The following NSL1 variants were observed in gnomAD, a reference collection of about 807,000 sequenced individuals.
NSL1 encodes the protein NSL1 component of MIS12 kinetochore complex.
In NSL1, 11 loss-of-function variants were observed where a neutral mutation model predicts 25.4. The observed-to-expected ratio is 0.43, with a 90% confidence interval of 0.27 to 0.72. The LOEUF (loss-of-function observed/expected upper bound fraction) is 0.72, where lower values mean the gene tolerates loss of function less well. NSL1 is among the 30% of genes least tolerant of loss of function. The pLI is 0.19. For synonymous variants in NSL1, 118 were observed against 120.6 expected (o/e 0.98, Z 0.14); for missense variants, 330 against 342.7 (o/e 0.96, Z 0.29).
chr1:212,781,741 TAGAA>T (rs1352666346), intron 4 of NSL1, among the ~76,000 whole-genome samples: 4 of 152,224 alleles, frequency 2.6e-5, no homozygotes, highest in Non-Finnish European at 5.9e-5. Context: ...AAAGGACTCT[TAGAA>T]AAACTGTTAT....
intron 4 of NSL1, among the ~76,000 whole-genome samples, chr1:212,741,065 A>AT (rs919488145): frequency 3.3e-5 from 5 of 152,106 alleles, no homozygotes; most frequent in Non-Finnish European, 5.9e-5. Flanking sequence ...ATAAAAATGT[A>AT]TTTTTTTTCC....
Position 212,732,704 on chromosome 1 carries a change from A to G in NSL1, c.*5704T>C, listed in dbSNP as rs1658073955. On this transcript the variant is annotated 3_prime_UTR_variant, in exon 6 of 6. Transcript: ENST00000366977. Reference sequence around the variant, plus strand: ...TGGGAGCCTTAGTTTCCCAGATCCCATGGCTGCTGCTTTTTTGGTTTACCC... The same window carrying G: ...TGGGAGCCTTAGTTTCCCAGATCCCGTGGCTGCTGCTTTTTTGGTTTACCC... 2 of 968,254 alleles carry G rather than the reference A, an allele frequency of 2.1e-6. No individual in the cohort carries two copies. The highest frequency in any genetic ancestry group is 6.2e-5 in the Admixed American group (1 of 16,232). 60.0% of individuals were successfully genotyped at this position (968,254 alleles called of 1,614,324 possible). A position where few individuals can be genotyped will look rare whatever the true frequency, so the allele number is the denominator to read the frequency against.
At chr1:212,749,349 T>TTG (rs1320540998) in intron 4 of NSL1, among the ~76,000 whole-genome samples, 3 of 144,298 alleles carry the variant, frequency 2.1e-5, no homozygotes, top group African/African-American at 7.7e-5. Context: ...GTTTTTTTTT[T>TTG]TTTTTTTTTT....
chr1:212,729,737 T>G lies in NSL1; in HGVS notation c.*8671A>C. On this transcript the variant is annotated 3_prime_UTR_variant, in exon 6 of 6. Transcript: ENST00000366977. The stretch of plus-strand genomic sequence containing the variant: ...GGTCAAATCCTCCTCTCTTTTCCTT[T>G]TTCCTATCCGCTCTTCTGGTGGAGA... 2 of 985,402 alleles carry G rather than the reference T, an allele frequency of 2.0e-6. No individual in the cohort carries two copies. The highest frequency in any genetic ancestry group is 9.4e-5 in the South Asian group (2 of 21,286). 61.0% of individuals were successfully genotyped at this position (985,402 alleles called of 1,614,324 possible).
At chr1:212,782,503 A>C in intron 3 of NSL1, 77 bp from the exon 4 acceptor site, 1 of 1,017,322 alleles carries the variant, frequency 9.8e-7, no homozygotes, top group South Asian at 1.3e-5. Flanking sequence ...AATATGGGAG[A>C]TATACTATAG....
intron 1 of NSL1, 79 bp downstream of exon 1, chr1:212,791,449 CGT>C (rs1464574369): frequency 7.7e-7 from 1 of 1,305,742 alleles, no homozygotes; most frequent in Non-Finnish European, 1.1e-6. Flanking sequence ...CAAGGCCTGG[CGT>C]GGGATCTTTC....
intron 4 of NSL1, among the ~76,000 whole-genome samples, chr1:212,749,633 T>G (rs960565023): frequency 6.6e-6 from 1 of 152,104 alleles, no homozygotes; most frequent in African/African-American, 2.4e-5. Context: ...TATTCACTGA[T>G]TTGTGAAGCC....
At position 212,732,878 on chromosome 1, in the gene NSL1, T is replaced by A. The variant is rs1658084311; in HGVS notation, c.*5530A>T. 6.6e-6 allele frequency among the ~76,000 whole-genome samples: 1 copy of A among 152,222 alleles called. No homozygotes were observed. The highest frequency in any genetic ancestry group is 1.5e-5 in the Non-Finnish European group (1 of 68,032). On this transcript the variant is annotated 3_prime_UTR_variant, in exon 6 of 6. Transcript: ENST00000366977. ...TGTGTATAAAAGCCTAGGTTGTATATCATTTATGCTGAGAATATTTCTCCA... is the reference window on the plus strand; with the variant it reads ...TGTGTATAAAAGCCTAGGTTGTATAACATTTATGCTGAGAATATTTCTCCA...
intron 4 of NSL1, among the ~76,000 whole-genome samples, chr1:212,744,965 G>A (rs1343956722): frequency 2.0e-5 from 3 of 151,900 alleles, no homozygotes; most frequent in African/African-American, 7.3e-5. Flanking sequence ...GTGAAACCCC[G>A]TCTCTACTAA....
rs369262254 is a variant in NSL1 at position 212,735,326 on chromosome 1, G to A, written c.*3082C>T. On this transcript the variant is annotated 3_prime_UTR_variant, in exon 6 of 6. Coordinates refer to ENST00000366977, the MANE Select transcript of NSL1 (RefSeq NM_015471.4). ...TTTTGATCCGAGTAGGTGTCCAACT[G>A]TATGTGTTGAACAGATGAATAAATG... The A allele has an allele frequency of 4.7e-5, 46 of 985,364 alleles. No homozygotes were observed. In the East Asian group the frequency reaches 3.0e-3, roughly 63 times the overall value. 61.0% of individuals were successfully genotyped at this position (985,364 alleles called of 1,614,324 possible).
intron 4 of NSL1, among the ~76,000 whole-genome samples, chr1:212,752,476 G>A (rs949711492): frequency 2.0e-5 from 3 of 152,152 alleles, no homozygotes; most frequent in Non-Finnish European, 4.4e-5. Context: ...TTACCATACA[G>A]AAACTTAAAA....
intron 4 of NSL1, among the ~76,000 whole-genome samples, chr1:212,779,896 C>G (rs1471253490): frequency 6.8e-6 from 1 of 147,482 alleles, no homozygotes; most frequent in Non-Finnish European, 1.5e-5. Context: ...GTCAGCCCCC[C>G]GCCCGAACAG....
At chr1:212,739,816 C>T (rs1027370074) in intron 4 of NSL1, among the ~76,000 whole-genome samples, 7 of 152,152 alleles carry the variant, frequency 4.6e-5, no homozygotes, top group Non-Finnish European at 1.0e-4. Context: ...AATTCTATTA[C>T]GAGTAGTCAT....
At chr1:212,779,820 G>A (rs12725406) in intron 4 of NSL1, among the ~76,000 whole-genome samples, 53 of 133,718 alleles carry the variant, frequency 4.0e-4, no homozygotes, top group African/African-American at 1.5e-3. Context: ...CGCCCCGTCC[G>A]GGAGGGAGGT....
Position 212,729,944 on chromosome 1 carries a change from GA to G in NSL1, c.*8463del. On this transcript the variant is annotated 3_prime_UTR_variant, in exon 6 of 6. Coordinates refer to ENST00000366977, the MANE Select transcript of NSL1 (RefSeq NM_015471.4). ...TGTGGAGGAACTAAACCTCCGGAAG[GA>G]TTTTTTTTTTTAAGAATGAAATGGG... The G allele has an allele frequency of 1.0e-6, 1 of 983,256 alleles. No individual in the cohort carries two copies. The highest frequency in any genetic ancestry group is 1.8e-5 in the African/African-American group (1 of 56,590). The allele number at this position is 983,256 out of a possible 1,614,324, so 60.9% of individuals were successfully genotyped here.
At chr1:212,779,945 C>G (rs1244489447) in intron 4 of NSL1, among the ~76,000 whole-genome samples, 1 of 150,300 alleles carries the variant, frequency 6.7e-6, no homozygotes. Context: ...TCTGCCCGGC[C>G]GCCCCTACTG....
chr1:212,776,723 C>G (rs1013637140), intron 4 of NSL1, among the ~76,000 whole-genome samples: 1 of 129,984 alleles, frequency 7.7e-6, no homozygotes. Flanking sequence ...CAAAACAAAA[C>G]AACAACAACA....
At position 212,728,376 on chromosome 1, in the gene NSL1, CTATT is replaced by C. The variant is rs1657872790; in HGVS notation, c.*10028_*10031del. On this transcript the variant is annotated 3_prime_UTR_variant, in exon 6 of 6. Coordinates refer to ENST00000366977, the MANE Select transcript of NSL1 (RefSeq NM_015471.4). ...GCTTTAAACAGTTCTACAATTCACG[CTATT>C]TATTAATGGCCTTTTACCCAATCTG... 3 of 985,398 alleles carry C rather than the reference CTATT, an allele frequency of 3.0e-6. No homozygotes were observed. The highest frequency in any genetic ancestry group is 2.4e-6 in the Non-Finnish European group (2 of 829,934). The allele number at this position is 985,398 out of a possible 1,614,324, so 61.0% of individuals were successfully genotyped here.
intron 4 of NSL1, among the ~76,000 whole-genome samples, chr1:212,750,037 CCCCAGTGAGAA>C (rs1362259237): frequency 6.6e-6 from 1 of 151,154 alleles, no homozygotes; most frequent in Non-Finnish European, 1.5e-5. Flanking sequence ...GCAGTACTAA[CCCCAGTGAGAA>C]CCCTGGCATT....
Sources: allele counts gnomAD v4.1 joint callset (sites outside exome capture counted in the v4.1 genomes callset), GRCh38; gene constraint gnomAD v4.1.1; transcripts MANE v1.5; gene names NCBI Gene and HGNC (gene_info 2026-07-23, HGNC 2026-07-21).